Variants in HMCN2 observed in about 807,000 individuals in gnomAD.
HMCN2 encodes the protein hemicentin 2.
In HMCN2, 325 loss-of-function variants were observed where a neutral mutation model predicts 377.5. That is an observed-to-expected ratio of 0.86 (90% CI 0.79 to 0.94). The LOEUF (loss-of-function observed/expected upper bound fraction) is 0.94, where lower values mean the gene tolerates loss of function less well. Ranked by LOEUF, HMCN2 falls within the 40% of genes least tolerant of loss-of-function variation. The pLI is 0.00. For synonymous variants in HMCN2, 2,007 were observed against 2,046.8 expected (o/e 0.98, Z 0.53); for missense variants, 4,543 against 4,725.3 (o/e 0.96, Z 1.13).
intron 36 of HMCN2, among the ~76,000 whole-genome samples, 192 bp downstream of exon 36, chr9:130,358,678 AT>A (rs112129650): frequency 2.9e-3 from 423 of 145,980 alleles, no homozygotes; most frequent in African/African-American, 6.2e-3. Context: ...TTTTGGCGGG[AT>A]TTTTTTTTTT....
chr9:130,402,280 G>A (rs978079348), intron 77 of HMCN2, among the ~76,000 whole-genome samples: 2 of 152,212 alleles, frequency 1.3e-5, no homozygotes, highest in East Asian at 1.9e-4. Context: ...TAGAACCCTC[G>A]TCACTTGACT....
Position 130,418,800 on chromosome 9 carries a change from G to A in HMCN2, c.12990G>A (p.Gln4330=), listed in dbSNP as rs557084171. The A allele has an allele frequency of 6.0e-6, 9 of 1,490,390 alleles. No individual in the cohort carries two copies. The African/African-American group carries it at 9.8e-5, about 16-fold the overall frequency. 92.3% of individuals were successfully genotyped at this position (1,490,390 alleles called of 1,614,324 possible). ...QSAPVFQVEP[Q]DMTVRSGDDV... ...CTCCGGTGTTCCAGGTGGAGCCCCA[G>A]GACATGACAGTGAGATCTGGGGATG... The change falls in exon 86 of 98, where the codon CAG becomes CAA. Residue 4330 remains glutamine (Q), a synonymous_variant. Transcript: ENST00000683500.
chr9:130,396,541 T>C (rs4372050), intron 73 of HMCN2, among the ~76,000 whole-genome samples: 55,392 of 152,010 alleles, frequency 0.36, 13,685 homozygotes, highest in African/African-American at 0.71. Flanking sequence ...ATGGATCTCA[T>C]GAGATCTGAT....
rs780904604 is a variant in HMCN2 at position 130,357,864 on chromosome 9, A to C, written c.5456A>C (p.Glu1819Ala). The C allele has an allele frequency of 1.7e-5, 22 of 1,303,926 alleles. No individual in the cohort carries two copies. In the South Asian group the frequency reaches 2.7e-4, roughly 16 times the overall value. 80.8% of individuals were successfully genotyped at this position (1,303,926 alleles called of 1,614,324 possible). A position where few individuals can be genotyped will look rare whatever the true frequency, so the allele number is the denominator to read the frequency against. ...CCATCGGTCAGTATCATTGGGGGTGAGAACATCACAGCTCCTTTCCTGCAG... is the reference window on the plus strand; with the variant it reads ...CCATCGGTCAGTATCATTGGGGGTGCGAACATCACAGCTCCTTTCCTGCAG... ...EFPSVSIIGG[E>A]NITAPFLQPV... Residue 1819 changes from glutamate to alanine, a missense_variant, in exon 35 of 98, where the codon GAG becomes GCG. By Grantham distance (107) the Glu-to-Ala change is moderately radical. Coordinates refer to ENST00000683500, the MANE Select transcript of HMCN2 (RefSeq NM_001291815.2).
intron 40 of HMCN2, 58 bp from the exon 41 acceptor site, chr9:130,364,656 C>T: frequency 1.1e-6 from 1 of 926,796 alleles, no homozygotes; most frequent in Non-Finnish European, 1.3e-6. Context: ...GGTGTGGCCC[C>T]TCCTTGCCAG....
Position 130,365,911 on chromosome 9 carries a change from C to T in HMCN2, c.6541C>T (p.Leu2181=). ...GTTCCCCTTGAGGGAATCCCACACC[C>T]TGACTGTGAGAGAGGGGCACCCTAC... ...PVFPLRESHT[L]TVREGHPTRL... is the part of the protein sequence containing the mutation. The change falls in exon 43 of 98, where the codon CTG becomes TTG. Residue 2181 remains leucine, a synonymous_variant. Transcript: ENST00000683500. 3.0e-6 allele frequency: 3 copies of T among 985,768 alleles called. No individual in the cohort carries two copies. The highest frequency in any genetic ancestry group is 3.6e-6 in the Non-Finnish European group (3 of 829,858). 61.1% of individuals were successfully genotyped at this position (985,768 alleles called of 1,614,324 possible). A position where few individuals can be genotyped will look rare whatever the true frequency, so the allele number is the denominator to read the frequency against.
In HMCN2 at chr9:130,393,323, G is replaced by T. The variant is rs1030152590; in HGVS notation, c.10234+14G>T. On this transcript the variant is annotated intron_variant, in intron 67 of 97. Coordinates refer to ENST00000683500, the MANE Select transcript of HMCN2 (RefSeq NM_001291815.2). The surrounding 1 kb of genome is among the most constrained non-coding windows in gnomAD (Gnocchi z 5.2). ...TGCAGGTGCAGGGTATGGAGCAGGGGGTGGGGCAAGGGGGTCTCTGGCCTT... is the reference window on the plus strand; with the variant it reads ...TGCAGGTGCAGGGTATGGAGCAGGGTGTGGGGCAAGGGGGTCTCTGGCCTT... 5 of 990,490 alleles carry T rather than the reference G, an allele frequency of 5.0e-6. No homozygotes were observed. The highest frequency in any genetic ancestry group is 6.0e-6 in the Non-Finnish European group (5 of 831,524). 61.4% of individuals were successfully genotyped at this position (990,490 alleles called of 1,614,324 possible).
At position 130,396,268 on chromosome 9, in the gene HMCN2, T is replaced by A; in HGVS notation, c.11153T>A (p.Val3718Glu). The A allele has an allele frequency of 7.8e-7, 1 of 1,284,386 alleles. No homozygotes were observed. Among genetic ancestry groups the A allele is most frequent in the South Asian group, 1.2e-5 (1 of 80,902 alleles). The allele number at this position is 1,284,386 out of a possible 1,614,324, so 79.6% of individuals were successfully genotyped here. A position where few individuals can be genotyped will look rare whatever the true frequency, so the allele number is the denominator to read the frequency against. ...CQADGVPAPL[V>E]SWRKDRVPLD... ...GCCGACGGCGTGCCCGCACCCCTCG[T>A]GAGCTGGCGGAAGGACAGGGTCCCC... is the stretch of plus-strand genomic sequence containing the variant. Residue 3718 changes from valine to glutamate, a missense_variant, in exon 73 of 98, where the codon GTG becomes GAG. By Grantham distance (121) the Val-to-Glu change is moderately radical (BLOSUM62 -2). Transcript: ENST00000683500.
intron 85 of HMCN2, among the ~76,000 whole-genome samples, chr9:130,418,280 G>T (rs1034801947): frequency 6.6e-6 from 1 of 152,200 alleles, no homozygotes; most frequent in Admixed American, 6.5e-5. Context: ...AAAGCAGATG[G>T]CCGGGCGTGG....
chr9:130,268,457 G>T (rs1834238109), intron 1 of HMCN2, among the ~76,000 whole-genome samples: 1 of 129,470 alleles, frequency 7.7e-6, no homozygotes, highest in African/African-American at 2.5e-5. Flanking sequence ...GTGTAAAGGG[G>T]CATGGTTCAT....
intron 66 of HMCN2, among the ~76,000 whole-genome samples, chr9:130,392,807 T>A (rs575287727): frequency 6.6e-6 from 1 of 152,000 alleles, no homozygotes; most frequent in South Asian, 2.1e-4. Context: ...CCATCCTGGC[T>A]AACACGGTGA....
intron 85 of HMCN2, among the ~76,000 whole-genome samples, chr9:130,411,583 G>A (rs1350894319): frequency 7.1e-6 from 1 of 140,394 alleles, no homozygotes. Flanking sequence ...CTGGTTGACA[G>A]GCAAGACTCA....
At chr9:130,432,918 C>A in intron 97 of HMCN2, 1 of 360,878 alleles carries the variant, frequency 2.8e-6, no homozygotes, top group Non-Finnish European at 5.0e-6. Context: ...TTTCTCCCGG[C>A]GGGTGACCTG....
chr9:130,299,439 A>G (rs1588198577), intron 8 of HMCN2, among the ~76,000 whole-genome samples, 151 bp downstream of exon 8: 1 of 152,158 alleles, frequency 6.6e-6, no homozygotes, highest in Non-Finnish European at 1.5e-5. Flanking sequence ...ATAAGGCATT[A>G]TGTTAAATAC....
rs1417155852 is a variant in HMCN2, at chr9:130,393,912, C to T, written c.10405C>T (p.Leu3469=). Residue 3469 remains leucine, a synonymous_variant, in exon 68 of 98, where the codon CTG becomes TTG. Transcript: ENST00000683500. The surrounding 1 kb of genome is among the most constrained non-coding windows in gnomAD (Gnocchi z 5.2). ...CCTCGAGCAGGGGCCCAGCCTGCAG[C>T]TGGAGGCAGTGGGAGCTGGTGACTC... ...QSLEQGPSLQ[L]EAVGAGDSGT... The T allele has an allele frequency of 1.6e-6, 2 of 1,289,388 alleles. No individual in the cohort carries two copies. The highest frequency in any genetic ancestry group is 4.6e-5 in the Admixed American group (2 of 43,478). 79.9% of individuals were successfully genotyped at this position (1,289,388 alleles called of 1,614,324 possible). A position where few individuals can be genotyped will look rare whatever the true frequency, so the allele number is the denominator to read the frequency against.
At chr9:130,321,182 G>A (rs972772538) in intron 18 of HMCN2, among the ~76,000 whole-genome samples, 10 of 152,126 alleles carry the variant, frequency 6.6e-5, no homozygotes, top group African/African-American at 2.4e-4. Context: ...GTGAGCCAGG[G>A]AGCAGGGATT....
At chr9:130,387,008 A>G (rs1170700371) in intron 61 of HMCN2, among the ~76,000 whole-genome samples, 2 of 152,224 alleles carry the variant, frequency 1.3e-5, no homozygotes, top group African/African-American at 2.4e-5. Context: ...GACAGTGTCT[A>G]TAAAGTGCTG....
Position 130,385,643 on chromosome 9 carries a change from G to A in HMCN2, c.9190G>A (p.Glu3064Lys), listed in dbSNP as rs1261243338. ...CGGGGACAAAGCTGTCCTGAGCTGC[G>A]AGACAGATGCGCTCCCTGAGCCAAC... ...RVGDKAVLSC[E>K]TDALPEPTVT... Residue 3064 changes from glutamate (E) to lysine (K), a missense_variant, in exon 60 of 98, where the codon GAG (glutamate) becomes AAG (lysine). Transcript: ENST00000683500. 5.4e-6 allele frequency: 7 copies of A among 1,304,210 alleles called. No homozygotes were observed. The highest frequency in any genetic ancestry group is 2.3e-5 in the Admixed American group (1 of 43,570). The allele number at this position is 1,304,210 out of a possible 1,614,324, so 80.8% of individuals were successfully genotyped here.
chr9:130,394,889 G>C lies in HMCN2; in HGVS notation c.10693-138G>C. ...ACAGTGAGATGGAGGGAGAGGGCGT[G>C]GGTTGGCTGGGAGGTGGATGGCAGA... On this transcript the variant is annotated intron_variant, in intron 69 of 97. Coordinates refer to ENST00000683500, the MANE Select transcript of HMCN2 (RefSeq NM_001291815.2). This position sits in a 1 kb window ranked among gnomAD's most constrained non-coding sequence, Gnocchi z 5.1. 2 of 448,394 alleles carry C rather than the reference G, an allele frequency of 4.5e-6. No homozygotes were observed. Among genetic ancestry groups the C allele is most frequent in the South Asian group, 3.8e-5 (2 of 52,740 alleles). The allele number at this position is 448,394 out of a possible 1,614,324, so 27.8% of individuals were successfully genotyped here. A position where few individuals can be genotyped will look rare whatever the true frequency, so the allele number is the denominator to read the frequency against.
Sources: allele counts gnomAD v4.1 joint callset (sites outside exome capture counted in the v4.1 genomes callset), GRCh38; gene constraint gnomAD v4.1.1; non-coding constraint Gnocchi (gnomAD v3.1); transcripts MANE v1.5; gene names NCBI Gene and HGNC (gene_info 2026-07-23, HGNC 2026-07-21).